The following PRG4 variants were observed in gnomAD, a reference collection of about 807,000 sequenced individuals.
The protein encoded by PRG4 is proteoglycan 4.
A neutral mutation model predicts 91.2 loss-of-function variants in PRG4; 61 were observed. The ratio of observed to expected loss-of-function variants is 0.67; its 90% CI spans 0.54 to 0.83. PRG4 has a LOEUF of 0.83. PRG4 is among the 40% of genes least tolerant of loss of function. The probability of loss-of-function intolerance (pLI) is 0.00; values close to 1 mark genes in which losing one functional copy is unlikely to be tolerated. For synonymous variants in PRG4, 576 were observed against 614.2 expected, an observed-to-expected ratio of 0.94 and a Z score of 0.92; for missense variants, 1,564 against 1,714.2, an observed-to-expected ratio of 0.91 and a Z score of 1.55.
In PRG4 at chr1:186,311,605, T is replaced by A. The variant is rs1359387881; in HGVS notation, c.3793+9T>A. The A allele has an allele frequency of 6.2e-7, 1 of 1,612,250 alleles. No individual in the cohort carries two copies. The highest frequency in any genetic ancestry group is 1.7e-5 in the Admixed American group (1 of 59,988). The stretch of plus-strand genomic sequence containing the variant: ...GTATTTTTTCAAGAGAGGTATGTGT[T>A]ACATAATTGACAAGATTACAAAACT... On this transcript the variant is annotated intron_variant, in intron 10 of 12. Coordinates refer to ENST00000445192, the MANE Select transcript of PRG4 (RefSeq NM_005807.6).
chr1:186,313,647 T>C, intron 12 of PRG4, 34 bp from the exon 13 acceptor site: 1 of 1,344,970 alleles, frequency 7.4e-7, no homozygotes, highest in Non-Finnish European at 1.1e-6. Flanking sequence ...ATTGTTTTCT[T>C]TTTAACTAAA....
intron 8 of PRG4, 84 bp from the exon 9 acceptor site, chr1:186,310,950 A>G: frequency 4.0e-6 from 6 of 1,511,334 alleles, no homozygotes; most frequent in Non-Finnish European, 5.5e-6. Flanking sequence ...ATGCATAAGA[A>G]AACTACATTT....
chr1:186,306,854 A>T lies in PRG4; in HGVS notation c.1135A>T (p.Lys379Ter). 6.2e-7 allele frequency: 1 copy of T among 1,608,682 alleles called. No homozygotes were observed. Among genetic ancestry groups the T allele is most frequent in the Non-Finnish European group, 8.5e-7 (1 of 1,178,516 alleles). ...CATCAAGTCTGCACCCACCACCCCC[A>T]AGGAGCCTGCACCCACCACCACCAA... ...TTIKSAPTTPKEPAPTTTKSA... is the reference protein window; with the variant it reads ...TTIKSAPTTP Residue 379 changes from lysine to a stop codon, truncating the protein, a stop_gained, in exon 7 of 13, where the codon AAG becomes TAG. Transcript: ENST00000445192. LOFTEE classifies it high-confidence loss of function.
chr1:186,309,945 G>A, intron 8 of PRG4, 75 bp downstream of exon 8: 1 of 1,279,788 alleles, frequency 7.8e-7, no homozygotes, highest in Non-Finnish European at 1.1e-6. Context: ...CCGTGGAAGA[G>A]TGCTAGTTTG....
In PRG4 at chr1:186,308,228, A is replaced by G. The variant is rs148222256; in HGVS notation, c.2509A>G (p.Thr837Ala). 300 of 1,613,954 alleles carry G rather than the reference A, an allele frequency of 1.9e-4. No individual in the cohort carries two copies. Among genetic ancestry groups the G allele is most frequent in the Admixed American group, 3.8e-4 (23 of 60,012 alleles). The change falls in exon 7 of 13, where the codon ACT becomes GCT. Residue 837 changes from threonine to alanine, a missense_variant. Transcript: ENST00000445192. ...APTTPKEPAP[T>A]TPKKPAPTTP... ...AACTACCCCCAAGGAGCCTGCACCC[A>G]CTACCCCCAAGAAGCCTGCTCCAAC... is the stretch of plus-strand genomic sequence containing the variant.
In PRG4 at chr1:186,304,774, A is replaced by G. The variant is rs777969997; in HGVS notation, c.470-20A>G. 2 of 1,607,940 alleles carry G rather than the reference A, an allele frequency of 1.2e-6. No homozygotes were observed. The highest frequency in any genetic ancestry group is 1.7e-6 in the Non-Finnish European group (2 of 1,174,822). On this transcript the variant is annotated intron_variant, in intron 5 of 12. Coordinates refer to ENST00000445192, the MANE Select transcript of PRG4 (RefSeq NM_005807.6). ...TTTAAATCACAGTTGGTGTGATCAA[A>G]CTTTCTATTTGATTTATAGAACATT...
At chr1:186,304,283 A>T (rs767193220) in intron 5 of PRG4, 26 bp downstream of exon 5, 1 of 1,602,494 alleles carries the variant, frequency 6.2e-7, no homozygotes, top group Non-Finnish European at 8.5e-7. Context: ...ATATAATCAA[A>T]GGAGCTTTCT....
At position 186,308,239 on chromosome 1, in the gene PRG4, G is replaced by A. The variant is rs1435319435; in HGVS notation, c.2520G>A (p.Lys840=). Residue 840 remains lysine, a synonymous_variant, in exon 7 of 13, where the codon AAG becomes AAA. Coordinates refer to ENST00000445192, the MANE Select transcript of PRG4 (RefSeq NM_005807.6). ...TPKEPAPTTP[K]KPAPTTPETP... ...AGGAGCCTGCACCCACTACCCCCAA[G>A]AAGCCTGCTCCAACTACTCCTGAGA... is the stretch of plus-strand genomic sequence containing the variant. 2 of 1,613,860 alleles carry A rather than the reference G, an allele frequency of 1.2e-6. No homozygotes were observed. Among genetic ancestry groups the A allele is most frequent in the East Asian group, 2.2e-5 (1 of 44,870 alleles).
chr1:186,314,480 T>C lies in PRG4; in HGVS notation c.*702T>C, dbSNP rs182166568. 258 of 513,516 alleles carry C rather than the reference T, an allele frequency of 5.0e-4. 1 individual carries two copies. Among genetic ancestry groups the C allele is most frequent in the African/African-American group, 4.4e-3 (227 of 52,116 alleles). 31.8% of individuals were successfully genotyped at this position (513,516 alleles called of 1,614,324 possible). A position where few individuals can be genotyped will look rare whatever the true frequency, so the allele number is the denominator to read the frequency against. ...AATCTGTCTACATGAAGTTTACAGA[T>C]TGGTAAATATCACCTGCTCAACATG... On this transcript the variant is annotated 3_prime_UTR_variant, in exon 13 of 13. Coordinates refer to ENST00000445192, the MANE Select transcript of PRG4 (RefSeq NM_005807.6).
Position 186,314,347 on chromosome 1 carries a change from ATATAACAC to A in PRG4, c.*579_*586del. The stretch of plus-strand genomic sequence containing the variant: ...CAATAGGTAGAGATACAACAAATGA[ATATAACAC>A]TATAACACTTCATATTTTCCAAATC... On this transcript the variant is annotated 3_prime_UTR_variant, in exon 13 of 13. Coordinates refer to ENST00000445192, the MANE Select transcript of PRG4 (RefSeq NM_005807.6). 2.6e-6 allele frequency: 1 copy of A among 382,684 alleles called. No individual in the cohort carries two copies. Among genetic ancestry groups the A allele is most frequent in the East Asian group, 4.6e-5 (1 of 21,646 alleles). The allele number at this position is 382,684 out of a possible 1,614,324, so 23.7% of individuals were successfully genotyped here. A position where few individuals can be genotyped will look rare whatever the true frequency, so the allele number is the denominator to read the frequency against.
chr1:186,313,999 C>T lies in PRG4; in HGVS notation c.*221C>T. 6.2e-7 allele frequency: 1 copy of T among 1,611,520 alleles called. No individual in the cohort carries two copies. The highest frequency in any genetic ancestry group is 8.5e-7 in the Non-Finnish European group (1 of 1,179,198). ...ATTAATATTTCCTCTGTTTATTCCTCCTCTCCCTCCCATTGCATGGCTCAC... is the reference window on the plus strand; with the variant it reads ...ATTAATATTTCCTCTGTTTATTCCTTCTCTCCCTCCCATTGCATGGCTCAC... On this transcript the variant is annotated 3_prime_UTR_variant, in exon 13 of 13. Coordinates refer to ENST00000445192, the MANE Select transcript of PRG4 (RefSeq NM_005807.6).
In PRG4 at chr1:186,311,030, T is replaced by A; in HGVS notation, c.3500-4T>A. The A allele has an allele frequency of 6.2e-7, 1 of 1,614,074 alleles. No individual in the cohort carries two copies. Among genetic ancestry groups the A allele is most frequent in the African/African-American group, 1.3e-5 (1 of 75,026 alleles). On this transcript the variant is annotated splice_polypyrimidine_tract_variant and splice_region_variant and intron_variant, in intron 8 of 12. Transcript: ENST00000445192. ...GTAGGCTGATGTCTTTCCTTAAATT[T>A]TAGGTCATTATTTCTGGATGCTAAG...
chr1:186,305,022 T>TGG (rs201228993), intron 6 of PRG4, 100 bp downstream of exon 6: 2 of 1,253,230 alleles, frequency 1.6e-6, no homozygotes, highest in African/African-American at 3.0e-5. Context: ...CATCTTAATA[T>TGG]GGGGGGGAAT....
rs747796555 is a variant in PRG4 at position 186,311,099 on chromosome 1, T to C, written c.3565T>C (p.Trp1189Arg). The C allele has an allele frequency of 1.2e-6, 2 of 1,613,852 alleles. No individual in the cohort carries two copies. The highest frequency in any genetic ancestry group is 1.1e-5 in the South Asian group (1 of 91,070). The change falls in exon 9 of 13, where the codon TGG (tryptophan) becomes CGG (arginine). Residue 1189 changes from tryptophan to arginine, a missense_variant. By Grantham distance (101) the Trp-to-Arg change is moderately radical. Coordinates refer to ENST00000445192, the MANE Select transcript of PRG4 (RefSeq NM_005807.6). The part of the protein sequence containing the change: ...PSPARRITEV[W>R]GIPSPIDTVF... ...TCCAGCTCGCAGAATTACTGAAGTT[T>C]GGGGTATTCCTTCCCCCATTGATAC...
Position 186,296,808 on chromosome 1 carries a change from G to T in PRG4, c.-30-38G>T, listed in dbSNP as rs79536913. On this transcript the variant is annotated intron_variant, in intron 1 of 12. Transcript: ENST00000445192. Reference sequence around the variant, plus strand: ...TGCAAGCCTAAGTTAGTGGTGAGATGAAAGAGCTGTTTTCTGATACTTTTA... The same window carrying T: ...TGCAAGCCTAAGTTAGTGGTGAGATTAAAGAGCTGTTTTCTGATACTTTTA... 6.3e-3 allele frequency: 7,251 copies of T among 1,159,104 alleles called. 321 individuals are homozygous for T. The African/African-American group carries it at 0.097, about 16-fold the overall frequency. The allele number at this position is 1,159,104 out of a possible 1,614,324, so 71.8% of individuals were successfully genotyped here. A position where few individuals can be genotyped will look rare whatever the true frequency, so the allele number is the denominator to read the frequency against.
intron 2 of PRG4, among the ~76,000 whole-genome samples, chr1:186,299,076 C>T (rs1656034927): frequency 2.6e-5 from 4 of 152,174 alleles, no homozygotes; most frequent in Admixed American, 2.6e-4. Flanking sequence ...GGACAGTACA[C>T]CTGCCAATTT....
rs770347514 is a variant in PRG4 at position 186,308,480 on chromosome 1, G to C, written c.2761G>C (p.Glu921Gln). The change falls in exon 7 of 13, where the codon GAA becomes CAA. Residue 921 changes from glutamate to glutamine, a missense_variant. Coordinates refer to ENST00000445192, the MANE Select transcript of PRG4 (RefSeq NM_005807.6). ...TACAACAGCTAAAGACAAGACAACAGAAAGAGACTTACGTACTACACCTGA... is the reference window on the plus strand; with the variant it reads ...TACAACAGCTAAAGACAAGACAACACAAAGAGACTTACGTACTACACCTGA... ...MTTTAKDKTT[E>Q]RDLRTTPETT... 6.2e-7 allele frequency: 1 copy of C among 1,613,778 alleles called. No individual in the cohort carries two copies. The highest frequency in any genetic ancestry group is 8.5e-7 in the Non-Finnish European group (1 of 1,180,020).
chr1:186,302,607 C>G (rs1022569928), intron 4 of PRG4, among the ~76,000 whole-genome samples: 7 of 152,136 alleles, frequency 4.6e-5, no homozygotes, highest in Admixed American at 4.6e-4. Flanking sequence ...TGCTAATCAG[C>G]AGAATTGAGA....
chr1:186,314,050 TTGAATA>T lies in PRG4; in HGVS notation c.*274_*279del. 1 of 1,602,402 alleles carries T rather than the reference TTGAATA, an allele frequency of 6.2e-7. No homozygotes were observed. The highest frequency in any genetic ancestry group is 1.1e-5 in the South Asian group (1 of 90,176). ...ACCTGTAAAAGAAAAAAGAATCAAA[TTGAATA>T]TATCTTTTAAGAATTCAAAACTAGT... On this transcript the variant is annotated 3_prime_UTR_variant, in exon 13 of 13. Transcript: ENST00000445192.
Sources: allele counts gnomAD v4.1 joint callset (sites outside exome capture counted in the v4.1 genomes callset), GRCh38; gene constraint gnomAD v4.1.1; transcripts MANE v1.5; gene names NCBI Gene and HGNC (gene_info 2026-07-23, HGNC 2026-07-21).